The following LMBR1 variants were observed in gnomAD, a reference collection of about 807,000 sequenced individuals.
The protein encoded by LMBR1 is limb region 1 protein homolog.
In LMBR1, 52 loss-of-function variants were observed where a neutral mutation model predicts 73.9. The observed-to-expected ratio is 0.70, with a 90% CI of 0.56 to 0.89. The LOEUF (loss-of-function observed/expected upper bound fraction) is 0.89. Among genes scored for constraint, LMBR1 ranks in the 40% least tolerant of loss-of-function variants. The pLI is 0.00. For missense variants in LMBR1, 539 were observed against 579.8 expected, an observed-to-expected ratio of 0.93 and a Z score of 0.72; for synonymous variants, 215 against 209.4, an observed-to-expected ratio of 1.03 and a Z score of -0.23.
chr7:156,715,702 T>C (rs1813060587), intron 15 of LMBR1, among the ~76,000 whole-genome samples: 1 of 152,198 alleles, frequency 6.6e-6, no homozygotes, highest in Non-Finnish European at 1.5e-5. Context: ...CTCTTATAAG[T>C]GGAATCACAC....
intron 10 of LMBR1, among the ~76,000 whole-genome samples, chr7:156,729,143 C>T (rs915574452): frequency 6.6e-6 from 1 of 152,120 alleles, no homozygotes; most frequent in East Asian, 1.9e-4. Flanking sequence ...GATACCCAGA[C>T]AAAAATCAGA....
chr7:156,864,877 T>C (rs763662841), intron 1 of LMBR1, among the ~76,000 whole-genome samples: 21 of 150,816 alleles, frequency 1.4e-4, no homozygotes, highest in Non-Finnish European at 2.8e-4. Context: ...GTGCTTGTAA[T>C]ACCAGGTATT....
At chr7:156,790,310 C>A (rs1425017343) in intron 5 of LMBR1, among the ~76,000 whole-genome samples, 1 of 151,972 alleles carries the variant, frequency 6.6e-6, no homozygotes, top group Non-Finnish European at 1.5e-5. Context: ...GTCTTGGGTA[C>A]TTTACCAACC....
intron 1 of LMBR1, among the ~76,000 whole-genome samples, chr7:156,884,573 C>T (rs728419): frequency 0.36 from 54,178 of 152,008 alleles, 9,917 homozygotes; most frequent in East Asian, 0.57. Flanking sequence ...CCTAACAGCA[C>T]CCCATACAGA....
chr7:156,854,139 GAACA>G (rs1796625715), intron 1 of LMBR1, among the ~76,000 whole-genome samples: 1 of 152,106 alleles, frequency 6.6e-6, no homozygotes, highest in African/African-American at 2.4e-5. Context: ...GAAAAAAACT[GAACA>G]AACTGAAAGT....
chr7:156,820,507 GT>G (rs1834595735), intron 4 of LMBR1, among the ~76,000 whole-genome samples: 1 of 152,088 alleles, frequency 6.6e-6, no homozygotes, highest in African/African-American at 2.4e-5. Flanking sequence ...AAACTTATTG[GT>G]AAGACATTTG....
intron 4 of LMBR1, among the ~76,000 whole-genome samples, chr7:156,805,539 T>C (rs1238605494): frequency 6.6e-6 from 1 of 152,202 alleles, no homozygotes; most frequent in Non-Finnish European, 1.5e-5. Context: ...TTGATTACTG[T>C]AGCTTTAAAA....
chr7:156,844,159 TA>T (rs1839202077), intron 1 of LMBR1, among the ~76,000 whole-genome samples: 1 of 151,686 alleles, frequency 6.6e-6, no homozygotes, highest in African/African-American at 2.4e-5. Context: ...ACCCCGTCTC[TA>T]CAAAAAATAC....
intron 5 of LMBR1, among the ~76,000 whole-genome samples, chr7:156,775,346 C>T (rs113892751): frequency 0.044 from 6,679 of 151,976 alleles, 177 homozygotes; most frequent in South Asian, 0.084. Context: ...CCAGCCTGGG[C>T]GACGAAGTGA....
chr7:156,836,541 G>A lies in LMBR1; in HGVS notation c.139+272C>T, dbSNP rs9886041. Among the ~76,000 whole-genome samples, 11,209 of 152,164 alleles carry A rather than the reference G, an allele frequency of 0.074. 482 individuals carry two copies. Among genetic ancestry groups the A allele is most frequent in the East Asian group, 0.14 (747 of 5,184 alleles). On this transcript the variant is annotated intron_variant, in intron 2 of 16. Coordinates refer to ENST00000353442, the MANE Select transcript of LMBR1 (RefSeq NM_022458.4). ...AGGAACCAAATATCCTTATAAACTC[G>A]GGAATTTCCCAGATACTAAATAGCC...
chr7:156,887,193 C>T (rs768386351), intron 1 of LMBR1, among the ~76,000 whole-genome samples: 1 of 152,120 alleles, frequency 6.6e-6, no homozygotes, highest in Non-Finnish European at 1.5e-5. Context: ...AGGCTGGGCG[C>T]GGTGGCTCAC....
chr7:156,706,498 CACAAA>C (rs1015386905), intron 15 of LMBR1, among the ~76,000 whole-genome samples: 1 of 152,118 alleles, frequency 6.6e-6, no homozygotes, highest in Non-Finnish European at 1.5e-5. Context: ...TATGTTAAAA[CACAAA>C]ACAAGTCTCA....
At chr7:156,811,687 G>A (rs1211499261) in intron 4 of LMBR1, among the ~76,000 whole-genome samples, 1 of 152,194 alleles carries the variant, frequency 6.6e-6, no homozygotes, top group Non-Finnish European at 1.5e-5. Flanking sequence ...TAGGCATAGT[G>A]GACAAGGTCC....
Position 156,887,246 on chromosome 7 carries a change from C to T in LMBR1, c.66+5682G>A, listed in dbSNP as rs996106166. On this transcript the variant is annotated intron_variant, in intron 1 of 16. Coordinates refer to ENST00000353442, the MANE Select transcript of LMBR1 (RefSeq NM_022458.4). The stretch of plus-strand genomic sequence containing the variant: ...TTTGGGAGGCCGAGGCGGCAGATCA[C>T]GAGGTCAAGAGATTGAGACCATTCT... Among the ~76,000 whole-genome samples, 4 of 151,998 alleles carry T rather than the reference C, an allele frequency of 2.6e-5. No individual in the cohort carries two copies. In the East Asian group the frequency reaches 5.8e-4, roughly 22 times the overall value.
intron 1 of LMBR1, among the ~76,000 whole-genome samples, chr7:156,866,753 G>A (rs957392623): frequency 6.6e-6 from 1 of 151,774 alleles, no homozygotes; most frequent in Non-Finnish European, 1.5e-5. Flanking sequence ...ATGGGCGCCC[G>A]CCACTGCACC....
chr7:156,842,015 G>T (rs1838792338), intron 1 of LMBR1, among the ~76,000 whole-genome samples: 1 of 141,272 alleles, frequency 7.1e-6, no homozygotes, highest in Non-Finnish European at 1.6e-5. Flanking sequence ...TAAATAAAAA[G>T]GAGGAGAACA....
intron 4 of LMBR1, among the ~76,000 whole-genome samples, chr7:156,818,151 T>C (rs779747116): frequency 2.1e-4 from 32 of 152,242 alleles, no homozygotes; most frequent in Non-Finnish European, 4.1e-4. Context: ...GTAAATATAA[T>C]ATTTTCTTAA....
rs1411768108 is a variant in LMBR1 at position 156,681,395 on chromosome 7, T to C, written c.*2683A>G. ...AGTGTGTATGTGTGTACAAATTTCA[T>C]GTAAAGCCTCATATTTAGAGGTCTA... On this transcript the variant is annotated 3_prime_UTR_variant, in exon 17 of 17. Transcript: ENST00000353442. 5.7e-6 allele frequency: 1 copy of C among 174,694 alleles called. No homozygotes were observed. The highest frequency in any genetic ancestry group is 1.2e-5 in the Non-Finnish European group (1 of 81,836). The allele number at this position is 174,694 out of a possible 1,614,324, so 10.8% of individuals were successfully genotyped here.
intron 9 of LMBR1, among the ~76,000 whole-genome samples, chr7:156,741,086 G>A (rs1002861010): frequency 9.9e-5 from 15 of 152,096 alleles, no homozygotes; most frequent in African/African-American, 3.4e-4. Context: ...GTTGCCCTCA[G>A]TTTAAAATAT....
Sources: allele counts gnomAD v4.1 joint callset (sites outside exome capture counted in the v4.1 genomes callset), GRCh38; gene constraint gnomAD v4.1.1; transcripts MANE v1.5; gene names NCBI Gene and HGNC (gene_info 2026-07-23, HGNC 2026-07-21).